Variants in CDH18 observed in about 807,000 individuals in gnomAD.
The protein encoded by CDH18 is cadherin 18.
Under a neutral mutation model 67.9 loss-of-function variants are expected in CDH18, and 31 were observed. The observed-to-expected ratio is 0.46, with a 90% CI of 0.34 to 0.62. The LOEUF is 0.62. CDH18 is among the 20% of genes least tolerant of loss of function. CDH18 has a pLI of 0.01. For missense variants in CDH18, 890 were observed against 975.5 expected (o/e 0.91, Z 1.17); for synonymous variants, 362 against 347.2 (o/e 1.04, Z -0.48).
In CDH18 at chr5:20,091,059, G is replaced by GA. The variant is rs113071916; in HGVS notation, c.-517-99046dup. ...AATGAGAACCTGTCTCCAAAATAAA[G>GA]AAAAAAAAAAAGGGAAAACAAAACA... is the stretch of plus-strand genomic sequence containing the variant. On this transcript the variant is annotated intron_variant, in intron 2 of 14. Coordinates refer to the CDH18 transcript ENST00000507958. 3.0e-3 allele frequency among the ~76,000 whole-genome samples: 304 copies of GA among 102,566 alleles called. 2 individuals carry two copies. Among genetic ancestry groups the GA allele is most frequent in the Non-Finnish European group, 4.2e-3 (198 of 47,402 alleles). The allele number at this position is 102,566 out of a possible 152,430, so 67.3% of individuals were successfully genotyped here. A position where few individuals can be genotyped will look rare whatever the true frequency, so the allele number is the denominator to read the frequency against.
intron 6 of CDH18, among the ~76,000 whole-genome samples, chr5:19,611,351 T>C (rs1375231584): frequency 3.3e-5 from 5 of 152,104 alleles, no homozygotes; most frequent in African/African-American, 7.2e-5. Context: ...AAAGAGTGAG[T>C]AATTCTGCAA....
intron 1 of CDH18, among the ~76,000 whole-genome samples, chr5:20,359,119 A>G (rs191096337): frequency 2.6e-5 from 4 of 151,618 alleles, no homozygotes; most frequent in Non-Finnish European, 5.9e-5. Context: ...TTAGTAGAGA[A>G]GTGCTTTCTC....
chr5:19,956,160 CAAAT>C (rs1354905153), intron 2 of CDH18, among the ~76,000 whole-genome samples: 2 of 151,840 alleles, frequency 1.3e-5, no homozygotes, highest in African/African-American at 4.8e-5. Context: ...ATGAAGGAAA[CAAAT>C]AAAAAGGTAT....
intron 1 of CDH18, among the ~76,000 whole-genome samples, chr5:20,390,926 T>A (rs1744794310): frequency 6.6e-6 from 1 of 151,820 alleles, no homozygotes; most frequent in South Asian, 2.1e-4. Context: ...TAGGTGGGAA[T>A]TGAACAATGA....
intron 9 of CDH18, among the ~76,000 whole-genome samples, chr5:19,530,339 G>A (rs1748394545): frequency 6.6e-6 from 1 of 151,000 alleles, no homozygotes. Flanking sequence ...ACTAATAAAG[G>A]AAATTTTTGT....
intron 2 of CDH18, among the ~76,000 whole-genome samples, chr5:20,078,420 G>A (rs924364727): frequency 1.6e-4 from 25 of 151,964 alleles, no homozygotes; most frequent in East Asian, 5.9e-4. Context: ...CCGAGATCAC[G>A]CCATTGCACT....
intron 2 of CDH18, among the ~76,000 whole-genome samples, chr5:19,839,745 T>C (rs1202595305): frequency 6.6e-6 from 1 of 152,100 alleles, no homozygotes; most frequent in African/African-American, 2.4e-5. Context: ...ACAATGTCAA[T>C]TGGCTGAATT....
At chr5:19,785,678 AAATATATATATATATATATATATATATAT>A (rs1775681300) in intron 3 of CDH18, among the ~76,000 whole-genome samples, 5 of 44,228 alleles carry the variant, frequency 1.1e-4, no homozygotes, top group African/African-American at 3.6e-4. Context: ...AAAAAAAAAA[AAATATATATATATATATATATATATATAT>A]ATATATATAT....
intron 2 of CDH18, among the ~76,000 whole-genome samples, chr5:19,851,585 ACT>A (rs1012303075): frequency 3.3e-5 from 5 of 151,774 alleles, no homozygotes; most frequent in Non-Finnish European, 7.4e-5. Context: ...CATTCTTTAC[ACT>A]GAGTCATATT....
intron 1 of CDH18, among the ~76,000 whole-genome samples, chr5:20,535,239 G>A (rs1430772844): frequency 1.3e-5 from 2 of 152,108 alleles, no homozygotes; most frequent in Non-Finnish European, 2.9e-5. Flanking sequence ...TTTGCTTGCT[G>A]ACTGTCAGCT....
At chr5:20,393,446 T>C (rs1050163536) in intron 1 of CDH18, among the ~76,000 whole-genome samples, 1 of 152,024 alleles carries the variant, frequency 6.6e-6, no homozygotes, top group Admixed American at 6.6e-5. Flanking sequence ...GACGAACATT[T>C]GTGTGCCTTT....
At chr5:19,634,309 T>C (rs976876216) in intron 5 of CDH18, among the ~76,000 whole-genome samples, 6 of 152,166 alleles carry the variant, frequency 3.9e-5, no homozygotes, top group African/African-American at 1.4e-4. Context: ...CTAGGTTGTA[T>C]TGAAAATATT....
intron 5 of CDH18, among the ~76,000 whole-genome samples, chr5:19,622,646 G>A (rs1204801551): frequency 6.6e-6 from 1 of 152,122 alleles, no homozygotes; most frequent in Non-Finnish European, 1.5e-5. Context: ...TCTGGTAAGT[G>A]ATCTAGCTAG....
At chr5:20,385,304 T>C (rs1304792339) in intron 1 of CDH18, among the ~76,000 whole-genome samples, 1 of 152,150 alleles carries the variant, frequency 6.6e-6, no homozygotes, top group Admixed American at 6.6e-5. Flanking sequence ...GAGAGAACGA[T>C]TGCCAAGCAC....
At chr5:19,670,252 G>A (rs1321515779) in intron 5 of CDH18, among the ~76,000 whole-genome samples, 1 of 151,994 alleles carries the variant, frequency 6.6e-6, no homozygotes, top group African/African-American at 2.4e-5. Context: ...ACATGGAAAC[G>A]ATTCAATGGC....
At chr5:20,103,470 A>G (rs918898617) in intron 2 of CDH18, among the ~76,000 whole-genome samples, 3 of 152,052 alleles carry the variant, frequency 2.0e-5, no homozygotes, top group Non-Finnish European at 2.9e-5. Flanking sequence ...TCATGCCTGT[A>G]ATCCCAGCAC....
At chr5:19,636,424 T>C (rs1380615300) in intron 5 of CDH18, among the ~76,000 whole-genome samples, 1 of 152,068 alleles carries the variant, frequency 6.6e-6, no homozygotes, top group Non-Finnish European at 1.5e-5. Context: ...TTTATTCAAA[T>C]AATCTTGTGG....
chr5:19,724,853 G>C (rs1766599491), intron 4 of CDH18, among the ~76,000 whole-genome samples: 1 of 151,522 alleles, frequency 6.6e-6, no homozygotes, highest in African/African-American at 2.4e-5. Context: ...ACCACAAACT[G>C]TCCTGAGCTG....
intron 2 of CDH18, among the ~76,000 whole-genome samples, chr5:20,214,224 C>T (rs977653484): frequency 6.6e-6 from 1 of 152,020 alleles, no homozygotes; most frequent in Non-Finnish European, 1.5e-5. Flanking sequence ...ATATTATGCT[C>T]ATGGATAGGA....
Sources: gnomAD v4.1 joint callset for allele counts (sites outside exome capture counted in the v4.1 genomes callset) on GRCh38, gnomAD v4.1.1 for gene constraint, MANE v1.5 for transcripts, NCBI Gene and HGNC (gene_info 2026-07-23, HGNC 2026-07-21) for gene names.